RGS6: variants seen among roughly 807,000 people sequenced by gnomAD.
The protein encoded by RGS6 is regulator of G protein signaling 6.
Under a neutral mutation model 78.5 loss-of-function variants are expected in RGS6, and 30 were observed. That is an observed-to-expected ratio of 0.38 (90% confidence interval 0.29 to 0.52). RGS6 has a LOEUF of 0.52. Among genes scored for constraint, RGS6 ranks in the 20% least tolerant of loss-of-function variants. RGS6 has a pLI of 0.85. For synonymous variants in RGS6, 206 were observed against 206.0 expected, an observed-to-expected ratio of 1.00 and a Z score of 0.00; for missense variants, 495 against 609.7, an observed-to-expected ratio of 0.81 and a Z score of 1.98.
chr14:72,194,576 G>A (rs2039551990), intron 2 of RGS6, among the ~76,000 whole-genome samples: 1 of 152,148 alleles, frequency 6.6e-6, no homozygotes, highest in Non-Finnish European at 1.5e-5. Flanking sequence ...TGCCCAGGCT[G>A]ATCTTGAACT....
At chr14:72,166,258 A>G (rs991086247) in intron 2 of RGS6, among the ~76,000 whole-genome samples, 1 of 152,076 alleles carries the variant, frequency 6.6e-6, no homozygotes, top group South Asian at 2.1e-4. Context: ...TTGTTTTACT[A>G]TATGTCTTAT....
At chr14:72,577,928 T>C in the RGS6 span, among the ~76,000 whole-genome samples, 1 of 152,216 alleles carries the variant, frequency 6.6e-6, no homozygotes, top group African/African-American at 2.4e-5. Flanking sequence ...GTAAGACTCC[T>C]AGCATGAGCT....
chr14:72,195,029 G>A (rs980869362), intron 2 of RGS6, among the ~76,000 whole-genome samples: 21 of 152,136 alleles, frequency 1.4e-4, no homozygotes, highest in Admixed American at 7.2e-4. Context: ...CCAACATAGC[G>A]AAACCCCGTG....
chr14:72,040,031 T>A (rs560245219), intron 2 of RGS6, among the ~76,000 whole-genome samples: 1 of 152,116 alleles, frequency 6.6e-6, no homozygotes, highest in Non-Finnish European at 1.5e-5. Flanking sequence ...AAATTATACC[T>A]TTTTATATTG....
At chr14:72,531,641 T>C (rs555616145) in intron 15 of RGS6, among the ~76,000 whole-genome samples, 1 of 152,288 alleles carries the variant, frequency 6.6e-6, no homozygotes, top group Admixed American at 6.5e-5. Flanking sequence ...ATTTTCTGCT[T>C]TCTACTTTCA....
intron 2 of RGS6, among the ~76,000 whole-genome samples, chr14:72,099,663 G>A (rs1207558939): frequency 1.3e-5 from 2 of 152,142 alleles, no homozygotes; most frequent in Non-Finnish European, 2.9e-5. Context: ...CCTAGAAAAA[G>A]CTTGGGACAG....
rs1595437174 is a variant in RGS6 at position 72,294,715 on chromosome 14, GA to G, written c.85-57379del. Among the ~76,000 whole-genome samples, 4 of 152,188 alleles carry G rather than the reference GA, an allele frequency of 2.6e-5. No individual in the cohort carries two copies. In the East Asian group the frequency reaches 7.8e-4, roughly 30 times the overall value. On this transcript the variant is annotated intron_variant, in intron 2 of 17. Coordinates refer to ENST00000553525, the MANE Select transcript of RGS6 (RefSeq NM_001204424.2). ...ATGGCCAGGGCAGGAGGGAGGGAGA[GA>G]GGGGAGCTATCACACACTGTTAAAG...
intron 2 of RGS6, among the ~76,000 whole-genome samples, chr14:72,308,269 C>T (rs997829456): frequency 6.6e-6 from 1 of 152,144 alleles, no homozygotes; most frequent in Non-Finnish European, 1.5e-5. Flanking sequence ...TCCCCTACCG[C>T]AAATATTGAG....
intron 2 of RGS6, among the ~76,000 whole-genome samples, chr14:72,053,468 G>A (rs1252732604): frequency 2.6e-5 from 4 of 152,008 alleles, no homozygotes; most frequent in Non-Finnish European, 5.9e-5. Flanking sequence ...GCATCAGAAT[G>A]TCCTGAACTG....
At chr14:72,152,295 CAG>C (rs2153638957) in intron 2 of RGS6, among the ~76,000 whole-genome samples, 1 of 151,072 alleles carries the variant, frequency 6.6e-6, no homozygotes, top group African/African-American at 2.4e-5. Flanking sequence ...CTTTAGAGGT[CAG>C]ACTCAAGTCC....
intron 3 of RGS6, among the ~76,000 whole-genome samples, chr14:72,444,080 G>A (rs2095293474): frequency 1.3e-5 from 2 of 152,288 alleles, no homozygotes; most frequent in South Asian, 2.1e-4. Context: ...CACGTCTGCT[G>A]CTGCCCACAT....
At chr14:71,913,714 C>G in the RGS6 span, among the ~76,000 whole-genome samples, 5 of 152,212 alleles carry the variant, frequency 3.3e-5, no homozygotes, top group African/African-American at 1.2e-4. Context: ...CAAGAAGAAA[C>G]TCCACACCTC....
chr14:72,295,587 G>C (rs956461763), intron 2 of RGS6, among the ~76,000 whole-genome samples: 1 of 152,080 alleles, frequency 6.6e-6, no homozygotes, highest in African/African-American at 2.4e-5. Flanking sequence ...TTTTTACCAG[G>C]TTTTGTTGGT....
intron 2 of RGS6, among the ~76,000 whole-genome samples, chr14:72,110,045 G>A (rs925024003): frequency 6.6e-6 from 1 of 152,166 alleles, no homozygotes; most frequent in African/African-American, 2.4e-5. Context: ...GCTGTTTTTT[G>A]AAGAATGTTG....
chr14:72,522,529 G>A (rs2097059688), intron 15 of RGS6, among the ~76,000 whole-genome samples: 1 of 152,160 alleles, frequency 6.6e-6, no homozygotes, highest in Admixed American at 6.5e-5. Flanking sequence ...TGAGTCATGT[G>A]GTCTATGTCA....
chr14:72,062,972 C>T (rs1018689392), intron 2 of RGS6, among the ~76,000 whole-genome samples: 8 of 152,136 alleles, frequency 5.3e-5, no homozygotes, highest in African/African-American at 1.9e-4. Context: ...TACAGATGTG[C>T]ACCACCACGC....
chr14:72,076,360 T>G (rs2094573728), intron 2 of RGS6, among the ~76,000 whole-genome samples: 1 of 152,238 alleles, frequency 6.6e-6, no homozygotes, highest in South Asian at 2.1e-4. Flanking sequence ...TTTTAATAGA[T>G]AGCATTGCAT....
intron 2 of RGS6, among the ~76,000 whole-genome samples, chr14:72,237,174 C>T (rs1196921247): frequency 6.6e-6 from 1 of 152,174 alleles, no homozygotes; most frequent in Non-Finnish European, 1.5e-5. Context: ...TTGCATATGT[C>T]AGTAATCTGT....
chr14:72,499,834 T>C (rs537834504), intron 13 of RGS6, among the ~76,000 whole-genome samples: 1 of 152,246 alleles, frequency 6.6e-6, no homozygotes, highest in South Asian at 2.1e-4. Flanking sequence ...ACCACCAATC[T>C]AGAGTGGCCA....
Sources: gnomAD v4.1 joint callset for allele counts (sites outside exome capture counted in the v4.1 genomes callset) on GRCh38, gnomAD v4.1.1 for gene constraint, MANE v1.5 for transcripts, NCBI Gene and HGNC (gene_info 2026-07-23, HGNC 2026-07-21) for gene names.